EFCAB11: variants seen among roughly 807,000 people sequenced by gnomAD.
The protein encoded by EFCAB11 is EF-hand calcium-binding domain-containing protein 11.
EFCAB11 carries 14 observed loss-of-function variants against 23.0 expected under a neutral mutation model. The observed-to-expected ratio is 0.61, with a 90% CI of 0.40 to 0.95. The LOEUF is 0.95. Ranked by LOEUF, EFCAB11 falls within the 40% of genes least tolerant of loss-of-function variation. EFCAB11 has a pLI of 0.00. For synonymous variants in EFCAB11, 65 were observed against 66.6 expected, an observed-to-expected ratio of 0.98 and a Z score of 0.11; for missense variants, 198 against 195.8, an observed-to-expected ratio of 1.01 and a Z score of -0.07.
intron 5 of EFCAB11, among the ~76,000 whole-genome samples, chr14:89,851,953 T>C (rs1258664729): frequency 2.0e-5 from 3 of 152,178 alleles, no homozygotes; most frequent in Non-Finnish European, 2.9e-5. Context: ...TGCCAAAGGA[T>C]ACCATCGAAT....
At chr14:89,953,188 C>T (rs189635608) in intron 2 of EFCAB11, among the ~76,000 whole-genome samples, 85 of 150,098 alleles carry the variant, frequency 5.7e-4, no homozygotes, top group African/African-American at 1.7e-3. Context: ...ATGTGTGTAT[C>T]ATTGCAGCAA....
chr14:89,924,993 C>T (rs575920946), intron 5 of EFCAB11, among the ~76,000 whole-genome samples: 2 of 152,122 alleles, frequency 1.3e-5, no homozygotes, highest in Non-Finnish European at 2.9e-5. Context: ...TGGGGATAAT[C>T]ATAAACACTG....
chr14:89,832,334 A>G (rs1886913679), intron 5 of EFCAB11, among the ~76,000 whole-genome samples: 1 of 151,064 alleles, frequency 6.6e-6, no homozygotes, highest in Non-Finnish European at 1.5e-5. Flanking sequence ...ACAACAGCAA[A>G]CTCAAGCTAG....
At chr14:89,901,864 A>G (rs1162930633) in intron 5 of EFCAB11, among the ~76,000 whole-genome samples, 1 of 152,200 alleles carries the variant, frequency 6.6e-6, no homozygotes, top group African/African-American at 2.4e-5. Flanking sequence ...CATGATATTC[A>G]AAGACAATGT....
At chr14:89,894,786 AG>A (rs200330972) in intron 5 of EFCAB11, among the ~76,000 whole-genome samples, 4,086 of 152,342 alleles carry the variant, frequency 0.027, 81 homozygotes, top group South Asian at 0.04. Flanking sequence ...GTTGTTAGCT[AG>A]AAGATTAACA....
chr14:89,946,577 A>G (rs1189844498), intron 3 of EFCAB11, among the ~76,000 whole-genome samples: 1 of 151,664 alleles, frequency 6.6e-6, no homozygotes, highest in Non-Finnish European at 1.5e-5. Flanking sequence ...TGTTGAATTA[A>G]TTAAGTTTTT....
intron 5 of EFCAB11, chr14:89,923,167 C>T (rs1238061493): frequency 1.3e-5 from 2 of 152,176 alleles, no homozygotes; most frequent in African/African-American, 4.8e-5. Flanking sequence ...GTTTCAATTC[C>T]TCCATTTCTA....
intron 5 of EFCAB11, among the ~76,000 whole-genome samples, chr14:89,812,088 T>C (rs984087688): frequency 1.3e-5 from 2 of 152,166 alleles, no homozygotes; most frequent in African/African-American, 4.8e-5. Context: ...CTTATAAGCC[T>C]GGAAAGGAAC....
At chr14:89,953,792 G>A (rs1022739311) in intron 2 of EFCAB11, 114 bp downstream of exon 2, 1 of 799,722 alleles carries the variant, frequency 1.3e-6, no homozygotes, top group African/African-American at 1.8e-5. Context: ...ACACATCTCT[G>A]AAATTGCTTA....
At chr14:89,914,960 A>G (rs2139774611) in intron 5 of EFCAB11, among the ~76,000 whole-genome samples, 1 of 152,064 alleles carries the variant, frequency 6.6e-6, no homozygotes, top group East Asian at 1.9e-4. Context: ...GGTTAAACAA[A>G]CCTAGCCGCC....
At chr14:89,851,955 C>G (rs1887613002) in intron 5 of EFCAB11, among the ~76,000 whole-genome samples, 2 of 152,136 alleles carry the variant, frequency 1.3e-5, no homozygotes, top group African/African-American at 2.4e-5. Flanking sequence ...CCAAAGGATA[C>G]CATCGAATGC....
At chr14:89,828,944 C>T (rs1400438867) in intron 5 of EFCAB11, among the ~76,000 whole-genome samples, 2 of 152,174 alleles carry the variant, frequency 1.3e-5, no homozygotes, top group African/African-American at 2.4e-5. Context: ...CACTGGCTAA[C>T]GATCCAGAAG....
intron 5 of EFCAB11, among the ~76,000 whole-genome samples, chr14:89,885,749 G>GAGAGAGAGAGAGA (rs1566796863): frequency 5.5e-4 from 37 of 66,842 alleles, no homozygotes; most frequent in African/African-American, 2.0e-3. Context: ...GAGAAAGAAA[G>GAGAGAGAGAGAGA]GAAAGAAAGG....
chr14:89,908,700 T>C lies in EFCAB11; in HGVS notation c.410+22841A>G, dbSNP rs543906499. Among the ~76,000 whole-genome samples the C allele has an allele frequency of 2.7e-4, 41 of 152,216 alleles. 1 individual carries two copies. Among genetic ancestry groups the C allele is most frequent in the African/African-American group, 9.9e-4 (41 of 41,522 alleles). ...GAGATACTCAACCTGTAGCTGGTTC[T>C]CCTCACCTTACCTCAATCCATCTTA... On this transcript the variant is annotated intron_variant, in intron 5 of 5. Coordinates refer to ENST00000316738, the MANE Select transcript of EFCAB11 (RefSeq NM_145231.4).
At chr14:89,865,414 A>G (rs1363736591) in intron 5 of EFCAB11, among the ~76,000 whole-genome samples, 1 of 152,176 alleles carries the variant, frequency 6.6e-6, no homozygotes, top group Non-Finnish European at 1.5e-5. Flanking sequence ...AGACTGACAT[A>G]TGAGTCCTGG....
At chr14:89,863,865 A>G (rs947311421) in intron 5 of EFCAB11, among the ~76,000 whole-genome samples, 1 of 152,130 alleles carries the variant, frequency 6.6e-6, no homozygotes, top group Non-Finnish European at 1.5e-5. Flanking sequence ...AGTAAAAACT[A>G]AAAAAAATCC....
intron 5 of EFCAB11, among the ~76,000 whole-genome samples, chr14:89,828,863 G>C (rs1886794715): frequency 6.6e-6 from 1 of 152,116 alleles, no homozygotes; most frequent in South Asian, 2.1e-4. Flanking sequence ...TGGAAATATT[G>C]GGTGAATCTG....
intron 5 of EFCAB11, among the ~76,000 whole-genome samples, chr14:89,850,277 C>A (rs1887564318): frequency 6.6e-6 from 1 of 152,214 alleles, no homozygotes; most frequent in Non-Finnish European, 1.5e-5. Context: ...TATTAGCACA[C>A]CATGGAGTAT....
At chr14:89,902,707 C>T (rs1889379244) in intron 5 of EFCAB11, among the ~76,000 whole-genome samples, 1 of 152,136 alleles carries the variant, frequency 6.6e-6, no homozygotes, top group South Asian at 2.1e-4. Flanking sequence ...GTTGATACCA[C>T]TCAGAACACC....
Sources: allele counts gnomAD v4.1 joint callset (sites outside exome capture counted in the v4.1 genomes callset), GRCh38; gene constraint gnomAD v4.1.1; transcripts MANE v1.5; gene names NCBI Gene and HGNC (gene_info 2026-07-23, HGNC 2026-07-21).